The following ZNF175 variants were observed in gnomAD, a reference collection of about 807,000 sequenced individuals.
ZNF175 encodes the protein zinc finger protein OTK18.
A neutral mutation model predicts 14.0 loss-of-function variants in ZNF175; 8 were observed. The ratio of observed to expected loss-of-function variants is 0.57; its 90% CI spans 0.34 to 1.03. ZNF175 has a LOEUF of 1.03. Ranked by LOEUF, ZNF175 falls within the 50% of genes least tolerant of loss-of-function variation. ZNF175 has a pLI of 0.03. For synonymous variants in ZNF175, 255 were observed against 296.8 expected, an observed-to-expected ratio of 0.86 and a Z score of 1.45; for missense variants, 764 against 849.5, an observed-to-expected ratio of 0.90 and a Z score of 1.25.
rs1568577486 is a variant in ZNF175 at position 51,587,824 on chromosome 19, C to T, written c.1493C>T (p.Thr498Ile). ...SQLDIHHRIHTGEKPYECSDC... is the reference protein window; with the variant it reads ...SQLDIHHRIHIGEKPYECSDC... ...CTTGATATACATCATCGAATTCATA[C>T]AGGGGAGAAACCTTATGAATGCAGT... The change falls in exon 5 of 5, where the codon ACA becomes ATA. Residue 498 changes from threonine (T) to isoleucine (I), a missense_variant. Thr to Ile is a moderately conservative substitution (Grantham distance 89, BLOSUM62 -1). Transcript: ENST00000262259. The T allele has an allele frequency of 1.9e-6, 3 of 1,614,018 alleles. No individual in the cohort carries two copies. The African/African-American group carries it at 4.0e-5, about 22-fold the overall frequency.
intron 2 of ZNF175, chr19:51,573,747 T>G: frequency 2.6e-6 from 1 of 385,268 alleles, no homozygotes; most frequent in Non-Finnish European, 4.5e-6. Flanking sequence ...TTTCAAGTGG[T>G]CCCCCCCACC....
chr19:51,582,461 C>A (rs1982040444), intron 4 of ZNF175, among the ~76,000 whole-genome samples: 1 of 152,122 alleles, frequency 6.6e-6, no homozygotes, highest in Admixed American at 6.5e-5. Flanking sequence ...CCACACTCGG[C>A]TAATTTTTTG....
chr19:51,587,329 T>C lies in ZNF175; in HGVS notation c.998T>C (p.Ile333Thr), dbSNP rs901086236. ...SVYLTDHTGD[I>T]PCICKECGKV... ...TATCTGACAGATCATACAGGTGATA[T>C]ACCCTGTATATGCAAGGAATGTGGG... Residue 333 changes from isoleucine to threonine, a missense_variant, in exon 5 of 5, where the codon ATA becomes ACA. Transcript: ENST00000262259. 4.0e-5 allele frequency: 64 copies of C among 1,614,046 alleles called. No individual in the cohort carries two copies. Among genetic ancestry groups the C allele is most frequent in the Non-Finnish European group, 5.0e-5 (59 of 1,180,036 alleles).
chr19:51,581,288 T>C (rs1981991381), intron 2 of ZNF175, 103 bp from the exon 3 acceptor site: 7 of 1,545,818 alleles, frequency 4.5e-6, no homozygotes, highest in Admixed American at 1.8e-5. Context: ...GCCTCTGTGA[T>C]GGATCGTGGT....
At chr19:51,571,922 C>T (rs977658335) in intron 1 of ZNF175, among the ~76,000 whole-genome samples, 4 of 152,132 alleles carry the variant, frequency 2.6e-5, no homozygotes, top group African/African-American at 9.7e-5. Context: ...CTATGGCAGC[C>T]AGTTGACTGG....
At chr19:51,586,542 C>T in intron 4 of ZNF175, 85 bp from the exon 5 acceptor site, 1 of 1,379,032 alleles carries the variant, frequency 7.3e-7, no homozygotes, top group Admixed American at 2.6e-5. Flanking sequence ...CAGCAATTTC[C>T]TTGTGTTCTG....
rs902274827 is a variant in ZNF175 at position 51,588,022 on chromosome 19, G to A, written c.1691G>A (p.Cys564Tyr). 3.1e-6 allele frequency: 5 copies of A among 1,614,102 alleles called. No individual in the cohort carries two copies. In the South Asian group the frequency reaches 3.3e-5, roughly 11 times the overall value. The change falls in exon 5 of 5, where the codon TGT becomes TAT. Residue 564 changes from cysteine (C) to tyrosine (Y), a missense_variant. Coordinates refer to ENST00000262259, the MANE Select transcript of ZNF175 (RefSeq NM_007147.4). ...TGEKPYKCSE[C>Y]GKAFTSKSQF... Reference sequence around the variant, plus strand: ...GAGAAGCCTTACAAATGCAGTGAATGTGGGAAAGCCTTCACTTCTAAGTCT... The same window carrying A: ...GAGAAGCCTTACAAATGCAGTGAATATGGGAAAGCCTTCACTTCTAAGTCT...
Position 51,589,573 on chromosome 19 carries a change from C to A in ZNF175, c.*1106C>A. The A allele has an allele frequency of 2.8e-6, 2 of 702,196 alleles. No homozygotes were observed. The highest frequency in any genetic ancestry group is 5.2e-6 in the Non-Finnish European group (2 of 384,786). 43.5% of individuals were successfully genotyped at this position (702,196 alleles called of 1,614,324 possible). On this transcript the variant is annotated 3_prime_UTR_variant, in exon 5 of 5. Transcript: ENST00000262259. Reference sequence around the variant, plus strand: ...GATTAGCTCAGCTTGCCCCCCCTTTCCATCTCCACCATCTATAGTGAGCCT... The same window carrying A: ...GATTAGCTCAGCTTGCCCCCCCTTTACATCTCCACCATCTATAGTGAGCCT...
intron 2 of ZNF175, among the ~76,000 whole-genome samples, chr19:51,580,477 C>T (rs570111113): frequency 7.9e-5 from 12 of 152,310 alleles, no homozygotes; most frequent in Non-Finnish European, 1.3e-4. Context: ...CTGCATTTAT[C>T]ATCTGCAGTA....
chr19:51,589,254 ATATGTGTATGTATGCGTATG>A lies in ZNF175; in HGVS notation c.*793_*812del. 2.5e-6 allele frequency: 1 copy of A among 403,606 alleles called. No individual in the cohort carries two copies. The highest frequency in any genetic ancestry group is 4.4e-5 in the East Asian group (1 of 22,736). The allele number at this position is 403,606 out of a possible 1,614,324, so 25.0% of individuals were successfully genotyped here. On this transcript the variant is annotated 3_prime_UTR_variant, in exon 5 of 5. Coordinates refer to ENST00000262259, the MANE Select transcript of ZNF175 (RefSeq NM_007147.4). The stretch of plus-strand genomic sequence containing the variant: ...GACATATGTATATGGTCTGGTCAGC[ATATGTGTATGTATGCGTATG>A]TATGTATGTATGTATGCCCTCAGTG...
In ZNF175 at chr19:51,588,585, T is replaced by G. The variant is rs937690721; in HGVS notation, c.*118T>G. On this transcript the variant is annotated 3_prime_UTR_variant, in exon 5 of 5. Coordinates refer to ENST00000262259, the MANE Select transcript of ZNF175 (RefSeq NM_007147.4). ...TATTGAATTCATGCTTCAGAAAAACTCTAGGGATGCACTGCATGTGTGAAC... is the reference window on the plus strand; with the variant it reads ...TATTGAATTCATGCTTCAGAAAAACGCTAGGGATGCACTGCATGTGTGAAC... The G allele has an allele frequency of 1.7e-6, 2 of 1,185,480 alleles. No individual in the cohort carries two copies. Among genetic ancestry groups the G allele is most frequent in the Non-Finnish European group, 2.3e-6 (2 of 877,536 alleles). 73.4% of individuals were successfully genotyped at this position (1,185,480 alleles called of 1,614,324 possible). A position where few individuals can be genotyped will look rare whatever the true frequency, so the allele number is the denominator to read the frequency against.
At position 51,588,655 on chromosome 19, in the gene ZNF175, G is replaced by A. The variant is rs565657719; in HGVS notation, c.*188G>A. On this transcript the variant is annotated 3_prime_UTR_variant, in exon 5 of 5. Transcript: ENST00000262259. ...CTTTATTTTAGTGAGGGCAATTACA[G>A]AGAAAAGAGTAAGCAGAAATGTCCT... is the stretch of plus-strand genomic sequence containing the variant. 1.7e-6 allele frequency: 1 copy of A among 594,574 alleles called. No homozygotes were observed. The highest frequency in any genetic ancestry group is 3.1e-5 in the East Asian group (1 of 32,316). 36.8% of individuals were successfully genotyped at this position (594,574 alleles called of 1,614,324 possible). A position where few individuals can be genotyped will look rare whatever the true frequency, so the allele number is the denominator to read the frequency against.
At chr19:51,571,814 A>G (rs1981595406) in intron 1 of ZNF175, among the ~76,000 whole-genome samples, 1 of 152,182 alleles carries the variant, frequency 6.6e-6, no homozygotes, top group Non-Finnish European at 1.5e-5. Context: ...CAAGAGCTTC[A>G]GAGGTTGGAG....
chr19:51,578,265 T>A (rs1461359794), intron 2 of ZNF175, among the ~76,000 whole-genome samples: 1 of 151,662 alleles, frequency 6.6e-6, no homozygotes, highest in Non-Finnish European at 1.5e-5. Flanking sequence ...CCAGGCATGG[T>A]GGCGGGTGCC....
In ZNF175 at chr19:51,582,781, C is replaced by A. The variant is rs762076670; in HGVS notation, c.295+899C>A. Among the ~76,000 whole-genome samples, 30 of 151,318 alleles carry A rather than the reference C, an allele frequency of 2.0e-4. No homozygotes were observed. In the South Asian group the frequency reaches 4.6e-3, roughly 23 times the overall value. ...CCCCTAATTTTATTTATTTTCTTTTCTTTGCTGGATCTGCTGTCTTCTTTT... is the reference window on the plus strand; with the variant it reads ...CCCCTAATTTTATTTATTTTCTTTTATTTGCTGGATCTGCTGTCTTCTTTT... On this transcript the variant is annotated intron_variant, in intron 4 of 4. Transcript: ENST00000262259.
intron 4 of ZNF175, among the ~76,000 whole-genome samples, chr19:51,584,766 A>G (rs1044298481): frequency 1.3e-5 from 2 of 152,228 alleles, no homozygotes; most frequent in African/African-American, 4.8e-5. Context: ...GGGAAATGCA[A>G]ATCAAAACCA....
intron 2 of ZNF175, among the ~76,000 whole-genome samples, chr19:51,577,269 A>C (rs1981822555): frequency 6.6e-6 from 1 of 152,090 alleles, no homozygotes; most frequent in African/African-American, 2.4e-5. Flanking sequence ...TTCTTCCTAA[A>C]ACACCCCATA....
Position 51,581,490 on chromosome 19 carries a change from G to T in ZNF175, c.172G>T (p.Glu58Ter), listed in dbSNP as rs1369882274. The T allele has an allele frequency of 4.3e-6, 7 of 1,614,046 alleles. No homozygotes were observed. Among genetic ancestry groups the T allele is most frequent in the Non-Finnish European group, 5.9e-6 (7 of 1,179,946 alleles). The change falls in exon 3 of 5, where the codon GAG becomes TAG. Residue 58 changes from glutamate to a stop codon, truncating the protein, a stop_gained. Transcript: ENST00000262259. LOFTEE classifies it high-confidence loss of function. ...ATGCCTGTACCGGGATGTGATGCTG[G>T]AGCTCTATAGCCATCTCTTCGCAGT... ...QRCLYRDVMLELYSHLFAVGY... is the reference protein window; with the variant it reads ...QRCLYRDVML
intron 4 of ZNF175, among the ~76,000 whole-genome samples, chr19:51,585,903 A>G (rs982853888): frequency 5.3e-5 from 8 of 152,184 alleles, no homozygotes; most frequent in African/African-American, 9.6e-5. Context: ...TTTAGAATAT[A>G]TTTCTGGGGA....
Sources: gnomAD v4.1 joint callset for allele counts (sites outside exome capture counted in the v4.1 genomes callset) on GRCh38, gnomAD v4.1.1 for gene constraint, MANE v1.5 for transcripts, NCBI Gene and HGNC (gene_info 2026-07-23, HGNC 2026-07-21) for gene names.